The following MTA3 variants were observed in gnomAD, a reference collection of about 807,000 sequenced individuals.
MTA3 encodes the protein metastasis-associated protein MTA3.
A neutral mutation model predicts 83.5 loss-of-function variants in MTA3; 34 were observed. The ratio of observed to expected loss-of-function variants is 0.41; its 90% confidence interval spans 0.31 to 0.54. The LOEUF (loss-of-function observed/expected upper bound fraction) is 0.54. Among genes scored for constraint, MTA3 ranks in the 20% least tolerant of loss-of-function variants. The pLI, the probability that MTA3 is intolerant of heterozygous loss-of-function variation, is 0.33. For missense variants in MTA3, 761 were observed against 726.4 expected (o/e 1.05, Z -0.55); for synonymous variants, 303 against 252.7 (o/e 1.20, Z -1.89).
At position 42,682,512 on chromosome 2, in the gene MTA3, T is replaced by G. The variant is rs1692021192; in HGVS notation, c.814T>G (p.Ser272Ala). ...ATGCAGAGATGAAATGGAGGAATGG[T>G]CAGCCTCTGAAGCTAGCTTATTTGA... ...VLCRDEMEEW[S>A]ASEASLFEEA... is the part of the protein sequence containing the mutation. The change falls in exon 9 of 17, where the codon TCA becomes GCA. Residue 272 changes from serine (S) to alanine (A), a missense_variant. Physicochemically the swap from Ser to Ala is moderately conservative, Grantham distance 99. Coordinates refer to ENST00000405094, the MANE Select transcript of MTA3 (RefSeq NM_001330442.2). The G allele has an allele frequency of 6.2e-7, 1 of 1,612,722 alleles. No homozygotes were observed. The highest frequency in any genetic ancestry group is 2.2e-5 in the East Asian group (1 of 44,818).
At chr2:42,655,669 C>T (rs1689101679) in intron 6 of MTA3, among the ~76,000 whole-genome samples, 1 of 152,210 alleles carries the variant, frequency 6.6e-6, no homozygotes, top group African/African-American at 2.4e-5. Context: ...GTGGCGCAAT[C>T]TCAGCTCACT....
chr2:42,586,268 C>G (rs1459517261), intron 3 of MTA3, among the ~76,000 whole-genome samples: 1 of 148,762 alleles, frequency 6.7e-6, no homozygotes, highest in Non-Finnish European at 1.5e-5. Context: ...GAGTGAAACT[C>G]CATCTCAAAA....
chr2:42,579,991 G>A (rs1679441286), intron 3 of MTA3, among the ~76,000 whole-genome samples: 1 of 151,936 alleles, frequency 6.6e-6, no homozygotes, highest in Non-Finnish European at 1.5e-5. Flanking sequence ...GCCCAGGCTG[G>A]AGAGTGCAGT....
intron 8 of MTA3, among the ~76,000 whole-genome samples, chr2:42,672,990 G>T (rs1447704987): frequency 1.3e-5 from 2 of 151,842 alleles, no homozygotes; most frequent in Non-Finnish European, 2.9e-5. Context: ...GGGATTACAG[G>T]TGCGCGCCAT....
intron 2 of MTA3, among the ~76,000 whole-genome samples, chr2:42,497,230 AC>A (rs1014720944): frequency 3.3e-5 from 5 of 151,774 alleles, no homozygotes; most frequent in African/African-American, 7.3e-5. Flanking sequence ...TCAAAAAAAA[AC>A]AAAACAAACA....
At chr2:42,574,554 A>G (rs1678840930) in intron 2 of MTA3, among the ~76,000 whole-genome samples, 2 of 152,028 alleles carry the variant, frequency 1.3e-5, no homozygotes, top group Admixed American at 6.6e-5. Context: ...CTCCTCCCTC[A>G]GCCTCCCAAT....
Position 42,690,856 on chromosome 2 carries a change from TTTTATTTA to T in MTA3, c.892-4878_892-4871del, listed in dbSNP as rs35037034. 1.9e-3 allele frequency among the ~76,000 whole-genome samples: 263 copies of T among 136,148 alleles called. 2 individuals are homozygous for T. Among genetic ancestry groups the T allele is most frequent in the East Asian group, 0.011 (51 of 4,722 alleles). 89.3% of individuals were successfully genotyped at this position (136,148 alleles called of 152,430 possible). The stretch of plus-strand genomic sequence containing the variant: ...ACCCCAGCTAATTTTTGTATTTTTA[TTTTATTTA>T]TTTATTTATTTATTTATTTATTTAT... On this transcript the variant is annotated intron_variant, in intron 9 of 16. Transcript: ENST00000405094.
At chr2:42,499,656 T>C (rs1396082100) in intron 2 of MTA3, among the ~76,000 whole-genome samples, 1 of 151,016 alleles carries the variant, frequency 6.6e-6, no homozygotes, top group African/African-American at 2.4e-5. Context: ...GGGGTGGTGA[T>C]GCATGCCTGT....
At chr2:42,718,836 A>G (rs1667215338) in intron 14 of MTA3, among the ~76,000 whole-genome samples, 152 bp from the exon 15 acceptor site, 1 of 152,184 alleles carries the variant, frequency 6.6e-6, no homozygotes, top group Non-Finnish European at 1.5e-5. Context: ...CCAGAACTAG[A>G]AACCATTTTC....
intron 2 of MTA3, among the ~76,000 whole-genome samples, chr2:42,538,838 A>G (rs1676388603): frequency 6.9e-6 from 1 of 144,114 alleles, no homozygotes; most frequent in Admixed American, 7.1e-5. Context: ...GCAGTGGCGC[A>G]ATCTCGGCTC....
intron 4 of MTA3, among the ~76,000 whole-genome samples, chr2:42,609,961 G>A (rs1193550898): frequency 6.6e-5 from 10 of 152,118 alleles, no homozygotes; most frequent in South Asian, 2.1e-4. Context: ...TTAGCTGGGC[G>A]TGGTGGTATG....
chr2:42,534,968 T>G (rs777236475), intron 2 of MTA3, among the ~76,000 whole-genome samples: 7 of 151,996 alleles, frequency 4.6e-5, no homozygotes, highest in Non-Finnish European at 8.8e-5. Context: ...AGACAATGAA[T>G]GAATGAAAGC....
chr2:42,614,736 A>T (rs1417105116), intron 4 of MTA3, among the ~76,000 whole-genome samples: 1 of 152,050 alleles, frequency 6.6e-6, no homozygotes, highest in Non-Finnish European at 1.5e-5. Flanking sequence ...GGACTTTGAG[A>T]GGCCGGGGTG....
At position 42,699,177 on chromosome 2, in the gene MTA3, G is replaced by T. The variant is rs902320821; in HGVS notation, c.1025+1343G>T. On this transcript the variant is annotated intron_variant, in intron 11 of 16. Transcript: ENST00000405094. Reference sequence around the variant, plus strand: ...GCAAGCCAAATCTGACCTACTGCTTGTTTTGTGAATAAAATTTTGCTTGAT... The same window carrying T: ...GCAAGCCAAATCTGACCTACTGCTTTTTTTGTGAATAAAATTTTGCTTGAT... Among the ~76,000 whole-genome samples, 3 of 152,160 alleles carry T rather than the reference G, an allele frequency of 2.0e-5. No individual in the cohort carries two copies. In the East Asian group the frequency reaches 5.8e-4, roughly 29 times the overall value.
At chr2:42,678,969 C>T (rs188481214) in intron 8 of MTA3, among the ~76,000 whole-genome samples, 2 of 151,856 alleles carry the variant, frequency 1.3e-5, no homozygotes, top group East Asian at 1.9e-4. Context: ...CTCATTTGAC[C>T]CTCACAAGCC....
At chr2:42,541,082 A>G (rs1434478453) in intron 2 of MTA3, among the ~76,000 whole-genome samples, 1 of 148,172 alleles carries the variant, frequency 6.7e-6, no homozygotes, top group South Asian at 2.1e-4. Context: ...CCCAGGCTGG[A>G]GTGCAGTGGT....
chr2:42,494,479 G>C (rs1027785105), upstream of MTA3: 5 of 152,452 alleles, frequency 3.3e-5, 1 homozygote, highest in South Asian at 8.3e-4. Flanking sequence ...TCCCAGCCAC[G>C]GCTTTTCCTG....
Position 42,609,575 on chromosome 2 carries a change from C to A in MTA3, c.308C>A (p.Thr103Lys). ...CGCCAGTATGAATCTCTGCCCGCAA[C>A]ACATATCAGGTAAGAACTTTTTAGG... is the stretch of plus-strand genomic sequence containing the variant. Reference protein sequence around the residue: ...LSRQYESLPATHIRGKCSVAL... With the variant: ...LSRQYESLPAKHIRGKCSVAL... The change falls in exon 4 of 17, where the codon ACA becomes AAA. Residue 103 changes from threonine to lysine, a missense_variant. Transcript: ENST00000405094. 6.2e-7 allele frequency: 1 copy of A among 1,613,534 alleles called. No individual in the cohort carries two copies. Among genetic ancestry groups the A allele is most frequent in the Non-Finnish European group, 8.5e-7 (1 of 1,179,656 alleles).
chr2:42,622,186 C>G, intron 4 of MTA3, among the ~76,000 whole-genome samples: 1 of 152,148 alleles, frequency 6.6e-6, no homozygotes, highest in African/African-American at 2.4e-5. Context: ...GCAGATCACT[C>G]GCGGTTAGGA....
Sources: gnomAD v4.1 joint callset for allele counts (sites outside exome capture counted in the v4.1 genomes callset) on GRCh38, gnomAD v4.1.1 for gene constraint, MANE v1.5 for transcripts, NCBI Gene and HGNC (gene_info 2026-07-23, HGNC 2026-07-21) for gene names.